SEMA5A: variants seen among roughly 807,000 people sequenced by gnomAD.
SEMA5A encodes the protein semaphorin-5A.
SEMA5A carries 55 observed loss-of-function variants against 135.5 expected under a neutral mutation model. The ratio of observed to expected loss-of-function variants is 0.41; its 90% CI spans 0.33 to 0.51. SEMA5A has a LOEUF of 0.51. Among genes scored for constraint, SEMA5A ranks in the 20% least tolerant of loss-of-function variants. The pLI, the probability that SEMA5A is intolerant of heterozygous loss-of-function variation, is 0.37. For synonymous variants in SEMA5A, 580 were observed against 546.5 expected, an observed-to-expected ratio of 1.06 and a Z score of -0.85; for missense variants, 1,290 against 1,419.9, an observed-to-expected ratio of 0.91 and a Z score of 1.47.
At chr5:9,164,162 A>ATT (rs1257883669) in intron 11 of SEMA5A, among the ~76,000 whole-genome samples, 25 of 29,652 alleles carry the variant, frequency 8.4e-4, no homozygotes, top group African/African-American at 1.7e-3. Flanking sequence ...ATATCATATA[A>ATT]ATATTTATAT....
chr5:9,118,018 A>T lies in SEMA5A; in HGVS notation c.1925+980T>A, dbSNP rs1028141162. Among the ~76,000 whole-genome samples the T allele has an allele frequency of 2.0e-5, 3 of 152,360 alleles. No individual in the cohort carries two copies. In the East Asian group the frequency reaches 5.8e-4, roughly 29 times the overall value. ...GGAATGATTCTCCTTAGTTGATTTT[A>T]GGTTGTAGTAAATACCTAATAGAGA... is the stretch of plus-strand genomic sequence containing the variant. On this transcript the variant is annotated intron_variant, in intron 15 of 22. Coordinates refer to ENST00000382496, the MANE Select transcript of SEMA5A (RefSeq NM_003966.3).
chr5:9,096,980 G>A (rs1739356816), intron 16 of SEMA5A, among the ~76,000 whole-genome samples: 1 of 152,098 alleles, frequency 6.6e-6, no homozygotes, highest in African/African-American at 2.4e-5. Context: ...GAGTAACTAT[G>A]AGAGAAGGTG....
At chr5:9,046,675 C>G (rs147249028) in intron 21 of SEMA5A, among the ~76,000 whole-genome samples, 1,811 of 152,304 alleles carry the variant, frequency 0.012, 16 homozygotes, top group Middle Eastern at 0.017. Context: ...GGTCGGATAT[C>G]TCTCTTTGTC....
At chr5:9,422,703 T>C (rs1757511936) in intron 2 of SEMA5A, among the ~76,000 whole-genome samples, 1 of 152,218 alleles carries the variant, frequency 6.6e-6, no homozygotes, top group African/African-American at 2.4e-5. Flanking sequence ...GAAATGTATT[T>C]GTCATTCTGT....
chr5:9,264,330 G>A (rs1749563692), intron 5 of SEMA5A, among the ~76,000 whole-genome samples: 2 of 152,088 alleles, frequency 1.3e-5, no homozygotes, highest in African/African-American at 4.8e-5. Flanking sequence ...AGGCCAGGAA[G>A]GTGAGGGAAA....
intron 11 of SEMA5A, among the ~76,000 whole-genome samples, chr5:9,157,131 T>C (rs1456573097): frequency 6.6e-6 from 1 of 151,874 alleles, no homozygotes; most frequent in Non-Finnish European, 1.5e-5. Context: ...ATGTGACGAG[T>C]CCCCTCCACA....
chr5:9,336,915 G>T (rs1753417478), intron 4 of SEMA5A, among the ~76,000 whole-genome samples: 1 of 152,136 alleles, frequency 6.6e-6, no homozygotes, highest in African/African-American at 2.4e-5. Context: ...AGATGCCAGA[G>T]GAACCCAATT....
At chr5:9,096,209 T>G (rs191740515) in intron 16 of SEMA5A, among the ~76,000 whole-genome samples, 1 of 152,286 alleles carries the variant, frequency 6.6e-6, no homozygotes, top group East Asian at 1.9e-4. Context: ...TCCTAACAGG[T>G]GTACTCATGT....
intron 12 of SEMA5A, among the ~76,000 whole-genome samples, chr5:9,142,471 T>C (rs1367045171): frequency 6.6e-6 from 1 of 152,164 alleles, no homozygotes; most frequent in East Asian, 1.9e-4. Context: ...GTTGCATACT[T>C]TAAAGTGCTT....
At chr5:9,393,088 G>A (rs1455965824) in intron 2 of SEMA5A, among the ~76,000 whole-genome samples, 2 of 152,168 alleles carry the variant, frequency 1.3e-5, no homozygotes, top group African/African-American at 4.8e-5. Context: ...CAGTTCATTA[G>A]CCTGAAATGT....
At chr5:9,296,892 AC>A (rs1751359104) in intron 5 of SEMA5A, among the ~76,000 whole-genome samples, 2 of 47,864 alleles carry the variant, frequency 4.2e-5, no homozygotes, top group East Asian at 1.2e-3. Context: ...TATGCTCCAA[AC>A]TGTGATCTCA....
intron 5 of SEMA5A, among the ~76,000 whole-genome samples, chr5:9,279,617 G>A (rs1750440370): frequency 6.6e-6 from 1 of 152,126 alleles, no homozygotes; most frequent in African/African-American, 2.4e-5. Flanking sequence ...GCATGTCAGT[G>A]GAGGGGCCTA....
At chr5:9,497,408 G>T (rs535744194) in intron 1 of SEMA5A, among the ~76,000 whole-genome samples, 1 of 152,208 alleles carries the variant, frequency 6.6e-6, no homozygotes, top group Non-Finnish European at 1.5e-5. Flanking sequence ...ATGGACTGGG[G>T]ATAGAGACGG....
At chr5:9,387,373 GA>G in intron 2 of SEMA5A, among the ~76,000 whole-genome samples, 1 of 152,208 alleles carries the variant, frequency 6.6e-6, no homozygotes, top group East Asian at 1.9e-4. Flanking sequence ...GAGCGAGGAT[GA>G]AGAGGACACT....
At chr5:9,278,293 G>A (rs11739316) in intron 5 of SEMA5A, among the ~76,000 whole-genome samples, 60,097 of 151,780 alleles carry the variant, frequency 0.4, 12,165 homozygotes, top group South Asian at 0.44. Context: ...GGTATCTGGT[G>A]GAAGACATTT....
intron 11 of SEMA5A, among the ~76,000 whole-genome samples, chr5:9,158,876 T>C (rs777176155): frequency 6.6e-6 from 1 of 152,198 alleles, no homozygotes; most frequent in Non-Finnish European, 1.5e-5. Context: ...CTTCACTACA[T>C]ATTTGTCTCA....
intron 16 of SEMA5A, among the ~76,000 whole-genome samples, chr5:9,102,159 G>T (rs1560917186): frequency 6.6e-6 from 1 of 152,130 alleles, no homozygotes; most frequent in African/African-American, 2.4e-5. Context: ...CAAGCAAGCA[G>T]CCAATTTTAA....
At chr5:9,084,997 A>G (rs1035653967) in intron 16 of SEMA5A, among the ~76,000 whole-genome samples, 3 of 152,166 alleles carry the variant, frequency 2.0e-5, no homozygotes, top group African/African-American at 7.2e-5. Flanking sequence ...ATTATATTTT[A>G]GCAAAGAGAC....
intron 5 of SEMA5A, among the ~76,000 whole-genome samples, chr5:9,251,084 G>C (rs1748748894): frequency 6.6e-6 from 1 of 152,130 alleles, no homozygotes; most frequent in Non-Finnish European, 1.5e-5. Context: ...GAGTGGGTTA[G>C]TTATAACTGG....
Sources: allele counts gnomAD v4.1 joint callset (sites outside exome capture counted in the v4.1 genomes callset), GRCh38; gene constraint gnomAD v4.1.1; transcripts MANE v1.5; gene names NCBI Gene and HGNC (gene_info 2026-07-23, HGNC 2026-07-21).